The following VWCE variants were observed in gnomAD, a reference collection of about 807,000 sequenced individuals.
VWCE encodes the protein von Willebrand factor C and EGF domains.
In VWCE, 68 loss-of-function variants were observed where a neutral mutation model predicts 102.9. The observed-to-expected ratio is 0.66, with a 90% CI of 0.54 to 0.81. The LOEUF (loss-of-function observed/expected upper bound fraction) is 0.81, where lower values mean the gene tolerates loss of function less well. VWCE is among the 30% of genes least tolerant of loss of function. VWCE has a pLI of 0.00. For missense variants in VWCE, 1,137 were observed against 1,263.6 expected (o/e 0.90, Z 1.52); for synonymous variants, 497 against 515.4 (o/e 0.96, Z 0.48).
chr11:61,265,631 C>T (rs1406537806), intron 16 of VWCE, among the ~76,000 whole-genome samples: 1 of 152,178 alleles, frequency 6.6e-6, no homozygotes, highest in Admixed American at 6.5e-5. Flanking sequence ...TTCTGCAGAC[C>T]GTGTCCCTTG....
intron 19 of VWCE, among the ~76,000 whole-genome samples, chr11:61,263,701 C>T (rs1183309085): frequency 2.3e-4 from 35 of 152,152 alleles, no homozygotes; most frequent in Non-Finnish European, 1.2e-4. Context: ...TACCAATCAG[C>T]TATGTGATCT....
At chr11:61,278,604 G>A in intron 9 of VWCE, 128 bp from the exon 10 acceptor site, 1 of 810,502 alleles carries the variant, frequency 1.2e-6, no homozygotes, top group Non-Finnish European at 2.0e-6. Flanking sequence ...TCCCAGGAGT[G>A]GTAGATTCAG....
At chr11:61,266,621 G>T (rs1854520672) in intron 16 of VWCE, among the ~76,000 whole-genome samples, 1 of 152,050 alleles carries the variant, frequency 6.6e-6, no homozygotes, top group African/African-American at 2.4e-5. Flanking sequence ...CAGACTGAGA[G>T]GCAGTATGAC....
At chr11:61,285,503 G>A (rs1855289819) in intron 5 of VWCE, among the ~76,000 whole-genome samples, 1 of 151,982 alleles carries the variant, frequency 6.6e-6, no homozygotes, top group Non-Finnish European at 1.5e-5. Flanking sequence ...ATCAGACTTG[G>A]GGGATCCTAC....
In VWCE at chr11:61,294,972, T is replaced by C; in HGVS notation, c.66A>G (p.Arg22=). Residue 22 remains arginine, a synonymous_variant, in exon 1 of 20, where the codon CGA becomes CGG. Coordinates refer to ENST00000335613, the MANE Select transcript of VWCE (RefSeq NM_152718.2). This position sits in a 1 kb window ranked among gnomAD's most constrained non-coding sequence, Gnocchi z 6.3. ...VALLLPGAPA[R]GYTGRKPPGH... ...CGGGCGGCTTCCTCCCGGTGTAGCC[T>C]CGGGCTGGTGCCCCCGGCAGCAGGA... is the stretch of plus-strand genomic sequence containing the variant. 1 of 1,470,942 alleles carries C rather than the reference T, an allele frequency of 6.8e-7. No homozygotes were observed. 91.1% of individuals were successfully genotyped at this position (1,470,942 alleles called of 1,614,324 possible). A position where few individuals can be genotyped will look rare whatever the true frequency, so the allele number is the denominator to read the frequency against.
chr11:61,289,656 G>C (rs1053695448), intron 4 of VWCE, among the ~76,000 whole-genome samples: 1 of 152,110 alleles, frequency 6.6e-6, no homozygotes, highest in African/African-American at 2.4e-5. Flanking sequence ...GTTTTATAAA[G>C]CATACATATA....
chr11:61,290,976 C>A, intron 3 of VWCE, 49 bp from the exon 4 acceptor site: 51 of 1,583,956 alleles, frequency 3.2e-5, no homozygotes, highest in Non-Finnish European at 4.4e-5. Flanking sequence ...GCAGTCCCAA[C>A]CATCCCCACT....
intron 12 of VWCE, among the ~76,000 whole-genome samples, chr11:61,274,236 C>T (rs901709226): frequency 2.6e-5 from 4 of 152,106 alleles, no homozygotes; most frequent in African/African-American, 9.7e-5. Flanking sequence ...AGTGGGCTTC[C>T]GGACCAAGGG....
At chr11:61,272,298 TCAGA>T (rs1335137692) in intron 13 of VWCE, among the ~76,000 whole-genome samples, 4 of 149,536 alleles carry the variant, frequency 2.7e-5, no homozygotes, top group African/African-American at 7.4e-5. Context: ...ATACATATGC[TCAGA>T]CACACACACA....
intron 5 of VWCE, among the ~76,000 whole-genome samples, chr11:61,284,117 C>T (rs1021905934): frequency 6.6e-6 from 1 of 151,818 alleles, no homozygotes; most frequent in South Asian, 2.1e-4. Context: ...GAATCCCAGC[C>T]CTTTGGGGGC....
intron 5 of VWCE, among the ~76,000 whole-genome samples, chr11:61,283,868 A>C (rs1855224402): frequency 6.6e-6 from 1 of 152,232 alleles, no homozygotes; most frequent in African/African-American, 2.4e-5. Flanking sequence ...AAAGTTCCCT[A>C]GTGCTGTTTG....
In VWCE at chr11:61,294,498, A is replaced by G. The variant is rs1855611425; in HGVS notation, c.110+430T>C. On this transcript the variant is annotated intron_variant, in intron 1 of 19. Transcript: ENST00000335613. This position sits in a 1 kb window ranked among gnomAD's most constrained non-coding sequence, Gnocchi z 6.3. The stretch of plus-strand genomic sequence containing the variant: ...AGAGACCCCGGCTGTTCCAAGGTCC[A>G]TGAAGTTCGTAGGGCCAAGACCCAG... 6.6e-6 allele frequency among the ~76,000 whole-genome samples: 1 copy of G among 152,172 alleles called. No individual in the cohort carries two copies. Among genetic ancestry groups the G allele is most frequent in the Non-Finnish European group, 1.5e-5 (1 of 68,018 alleles).
rs1565234535 is a variant in VWCE at position 61,294,970 on chromosome 11, C to A, written c.68G>T (p.Gly23Val). ...CCCGGGCGGCTTCCTCCCGGTGTAG[C>A]CTCGGGCTGGTGCCCCCGGCAGCAG... ...ALLLPGAPAR[G>V]YTGRKPPGHF... The change falls in exon 1 of 20, where the codon GGC (glycine) becomes GTC (valine). Residue 23 changes from glycine to valine, a missense_variant. Transcript: ENST00000335613. The surrounding 1 kb of genome is among the most constrained non-coding windows in gnomAD (Gnocchi z 6.3). 1.4e-6 allele frequency: 2 copies of A among 1,471,428 alleles called. No individual in the cohort carries two copies. The highest frequency in any genetic ancestry group is 9.0e-7 in the Non-Finnish European group (1 of 1,112,502). 91.1% of individuals were successfully genotyped at this position (1,471,428 alleles called of 1,614,324 possible). A position where few individuals can be genotyped will look rare whatever the true frequency, so the allele number is the denominator to read the frequency against.
intron 19 of VWCE, among the ~76,000 whole-genome samples, chr11:61,263,392 C>T (rs1241633429): frequency 6.6e-6 from 1 of 151,682 alleles, no homozygotes; most frequent in Non-Finnish European, 1.5e-5. Flanking sequence ...GCCAGACACA[C>T]AAAGACAACT....
chr11:61,270,746 G>T (rs892737516), intron 14 of VWCE, among the ~76,000 whole-genome samples: 1 of 152,002 alleles, frequency 6.6e-6, no homozygotes, highest in Non-Finnish European at 1.5e-5. Flanking sequence ...CCATGCCTGG[G>T]GAAAACCTTC....
chr11:61,274,722 A>C (rs368313073), intron 11 of VWCE, 138 bp from the exon 12 acceptor site: 1 of 615,780 alleles, frequency 1.6e-6, no homozygotes, highest in African/African-American at 1.9e-5. Context: ...GTGCCCAGGA[A>C]CCCAAAGCAC....
chr11:61,274,620 T>C (rs1013681094), intron 11 of VWCE, 36 bp from the exon 12 acceptor site: 2 of 1,606,186 alleles, frequency 1.2e-6, no homozygotes, highest in African/African-American at 2.7e-5. Flanking sequence ...CTCAAGGTCT[T>C]TGGGCAGAGG....
intron 6 of VWCE, 42 bp downstream of exon 6, chr11:61,282,747 G>T: frequency 6.6e-7 from 1 of 1,522,110 alleles, no homozygotes; most frequent in Non-Finnish European, 9.1e-7. Context: ...CCTCCTGATT[G>T]GCAGCCTAAG....
Position 61,280,869 on chromosome 11 carries a change from G to A in VWCE, c.1154C>T (p.Pro385Leu), listed in dbSNP as rs1259026351. The A allele has an allele frequency of 4.6e-6, 7 of 1,536,914 alleles. No individual in the cohort carries two copies. The highest frequency in any genetic ancestry group is 1.3e-5 in the South Asian group (1 of 77,678). Residue 385 changes from proline (P) to leucine (L), a missense_variant, in exon 8 of 20, where the codon CCC (proline) becomes CTC (leucine). Around this residue, in one of 5 missense-constraint regions of VWCE, gnomAD observed 575 missense variants for 625.9 expected, o/e 0.92. Transcript: ENST00000335613. Reference protein sequence around the residue: ...ESPRLAAGPSPCWHLGAMHES... With the variant: ...ESPRLAAGPSLCWHLGAMHES... ...ATGCATGGCTCCCAGGTGCCAGCAG[G>A]GAGAGGGCCCTGCTGCCAGTCGGGG... is the stretch of plus-strand genomic sequence containing the variant.
Sources: allele counts gnomAD v4.1 joint callset (sites outside exome capture counted in the v4.1 genomes callset), GRCh38; gene constraint gnomAD v4.1.1; regional missense constraint gnomAD v4.1.1; non-coding constraint Gnocchi (gnomAD v3.1); transcripts MANE v1.5; gene names NCBI Gene and HGNC (gene_info 2026-07-23, HGNC 2026-07-21).